The following STK32B variants were observed in gnomAD, a reference collection of about 807,000 sequenced individuals.
STK32B encodes the protein serine/threonine-protein kinase 32B.
STK32B carries 43 observed loss-of-function variants against 52.6 expected under a neutral mutation model. That is an observed-to-expected ratio of 0.82 (90% CI 0.64 to 1.05). STK32B has a LOEUF of 1.05. Among genes scored for constraint, STK32B ranks in the 50% least tolerant of loss-of-function variants. The pLI, the probability that STK32B is intolerant of heterozygous loss-of-function variation, is 0.00. For synonymous variants in STK32B, 238 were observed against 204.3 expected (o/e 1.17, Z -1.41); for missense variants, 621 against 534.6 (o/e 1.16, Z -1.59).
chr4:5,411,715 T>C (rs76226303), intron 5 of STK32B, among the ~76,000 whole-genome samples: 3 of 152,324 alleles, frequency 2.0e-5, no homozygotes, highest in Non-Finnish European at 4.4e-5. Flanking sequence ...TTTCAACATA[T>C]GAATTTTGAC....
intron 9 of STK32B, among the ~76,000 whole-genome samples, chr4:5,461,168 C>A (rs1716994391): frequency 6.6e-6 from 1 of 152,210 alleles, no homozygotes; most frequent in Non-Finnish European, 1.5e-5. Context: ...GCCACCTCTG[C>A]CATCTGTGAC....
intron 1 of STK32B, among the ~76,000 whole-genome samples, chr4:5,118,455 C>A (rs1714855527): frequency 6.6e-6 from 1 of 152,204 alleles, no homozygotes; most frequent in East Asian, 1.9e-4. Flanking sequence ...CTCACTCCCG[C>A]CCCAGGCCTT....
intron 3 of STK32B, among the ~76,000 whole-genome samples, chr4:5,214,997 T>C (rs1013492370): frequency 1.3e-5 from 2 of 152,326 alleles, no homozygotes; most frequent in African/African-American, 4.8e-5. Flanking sequence ...AAGAGATGGA[T>C]CATTGCTTTT....
chr4:5,269,285 A>G (rs946402939), intron 3 of STK32B, among the ~76,000 whole-genome samples: 2 of 152,220 alleles, frequency 1.3e-5, no homozygotes, highest in African/African-American at 4.8e-5. Flanking sequence ...ACAAAACCTC[A>G]GAATTCAAGA....
intron 4 of STK32B, among the ~76,000 whole-genome samples, chr4:5,374,239 T>C (rs1735438488): frequency 6.6e-6 from 1 of 152,234 alleles, no homozygotes; most frequent in Non-Finnish European, 1.5e-5. Context: ...CACTCAGTCA[T>C]GGTCATTTGT....
At chr4:5,354,557 G>A (rs1485910563) in intron 4 of STK32B, among the ~76,000 whole-genome samples, 5 of 152,286 alleles carry the variant, frequency 3.3e-5, no homozygotes, top group South Asian at 2.1e-4. Context: ...TGACCACCAC[G>A]CCTGGCCCCA....
At chr4:5,047,426 C>G (rs1392276064), upstream of STK32B, among the ~76,000 whole-genome samples, 2 of 151,680 alleles carry the variant, frequency 1.3e-5, no homozygotes, top group East Asian at 3.9e-4. Context: ...TGTAACAAAC[C>G]GACACATTCT....
chr4:5,437,548 TG>T (rs1714196472), intron 6 of STK32B, among the ~76,000 whole-genome samples: 1 of 152,226 alleles, frequency 6.6e-6, no homozygotes, highest in Admixed American at 6.5e-5. Flanking sequence ...TTGAGATACT[TG>T]ATTACATTTA....
intron 1 of STK32B, among the ~76,000 whole-genome samples, chr4:5,125,041 A>G (rs536206789): frequency 4.6e-5 from 7 of 152,324 alleles, no homozygotes; most frequent in Admixed American, 2.0e-4. Flanking sequence ...GTTGCAGTAT[A>G]CTAGACAAGC....
In STK32B at chr4:5,394,976, A is replaced by G. The variant is rs549432479; in HGVS notation, c.435-3231A>G. On this transcript the variant is annotated intron_variant, in intron 4 of 11. Transcript: ENST00000282908. This position sits in a 1 kb window ranked among gnomAD's most constrained non-coding sequence, Gnocchi z 4.2. ...ATAGGATCTCACAAAACTACAATCC[A>G]CATGCCCACCGGGCTGCACTCCTTT... 3.9e-5 allele frequency among the ~76,000 whole-genome samples: 6 copies of G among 152,278 alleles called. No homozygotes were observed. In the East Asian group the frequency reaches 9.6e-4, roughly 24 times the overall value.
chr4:5,266,539 G>A (rs186484485), intron 3 of STK32B, among the ~76,000 whole-genome samples: 3 of 152,330 alleles, frequency 2.0e-5, no homozygotes, highest in Admixed American at 2.0e-4. Context: ...AAAAGGTGAG[G>A]AAATTAGAGA....
intron 6 of STK32B, among the ~76,000 whole-genome samples, chr4:5,430,355 T>C (rs1295208439): frequency 6.6e-6 from 1 of 152,212 alleles, no homozygotes; most frequent in African/African-American, 2.4e-5. Flanking sequence ...GATAAACCTA[T>C]TGGAAGCATT....
intron 3 of STK32B, among the ~76,000 whole-genome samples, chr4:5,188,543 G>A (rs1431069675): frequency 6.6e-6 from 1 of 151,914 alleles, no homozygotes; most frequent in Non-Finnish European, 1.5e-5. Context: ...ATACCCCTTC[G>A]CTTCCTTCAG....
intron 1 of STK32B, among the ~76,000 whole-genome samples, chr4:5,070,759 A>C (rs1173304193): frequency 1.3e-5 from 2 of 152,192 alleles, no homozygotes; most frequent in African/African-American, 4.8e-5. Context: ...GTTTGAAGCA[A>C]GTTATTCTGG....
chr4:5,420,852 T>C (rs998694977), intron 6 of STK32B, among the ~76,000 whole-genome samples: 1 of 152,032 alleles, frequency 6.6e-6, no homozygotes, highest in Non-Finnish European at 1.5e-5. Flanking sequence ...TGTCAAGGAG[T>C]GTAGATCCTG....
rs143290500 is a variant in STK32B, at chr4:5,307,849, C to T, written c.261-23371C>T. Among the ~76,000 whole-genome samples the T allele has an allele frequency of 2.0e-3, 302 of 152,176 alleles. 1 individual carries two copies. The highest frequency in any genetic ancestry group is 6.9e-3 in the African/African-American group (287 of 41,512). On this transcript the variant is annotated intron_variant, in intron 3 of 11. Transcript: ENST00000282908. Reference sequence around the variant, plus strand: ...TTGATGTGGTGCTTTCCCCTTTCCCCTAGGGATGGGGCTTCCTGAGAGCCG... The same window carrying T: ...TTGATGTGGTGCTTTCCCCTTTCCCTTAGGGATGGGGCTTCCTGAGAGCCG...
intron 1 of STK32B, among the ~76,000 whole-genome samples, chr4:5,114,606 G>T (rs1320702262): frequency 6.6e-6 from 1 of 152,140 alleles, no homozygotes; most frequent in Non-Finnish European, 1.5e-5. Context: ...TTAATTAAAT[G>T]CCAGGTTTTC....
At chr4:5,421,575 A>G (rs1270790049) in intron 6 of STK32B, among the ~76,000 whole-genome samples, 1 of 152,174 alleles carries the variant, frequency 6.6e-6, no homozygotes, top group Non-Finnish European at 1.5e-5. Flanking sequence ...TGCATGTGGC[A>G]CCATGCCTAA....
intron 3 of STK32B, among the ~76,000 whole-genome samples, chr4:5,175,574 C>T (rs1719799778): frequency 6.6e-6 from 1 of 152,220 alleles, no homozygotes; most frequent in African/African-American, 2.4e-5. Context: ...CCACTCCAGA[C>T]CCCGTTTCCC....
Sources: gnomAD v4.1 joint callset for allele counts (sites outside exome capture counted in the v4.1 genomes callset) on GRCh38, gnomAD v4.1.1 for gene constraint, Gnocchi (gnomAD v3.1) non-coding constraint, MANE v1.5 for transcripts, NCBI Gene and HGNC (gene_info 2026-07-23, HGNC 2026-07-21) for gene names.